The following TRIP4 variants were observed in gnomAD, a reference collection of about 807,000 sequenced individuals.
TRIP4 encodes thyroid hormone receptor interactor 4, also known as activating signal cointegrator 1.
A neutral mutation model predicts 81.8 loss-of-function variants in TRIP4; 54 were observed. That is an observed-to-expected ratio of 0.66 (90% confidence interval 0.53 to 0.83). TRIP4 has a LOEUF of 0.83. Ranked by LOEUF, TRIP4 falls within the 40% of genes least tolerant of loss-of-function variation. The pLI, the probability that TRIP4 is intolerant of heterozygous loss-of-function variation, is 0.00. For synonymous variants in TRIP4, 270 were observed against 242.8 expected, an observed-to-expected ratio of 1.11 and a Z score of -1.04; for missense variants, 662 against 683.6, an observed-to-expected ratio of 0.97 and a Z score of 0.35.
At chr15:64,418,451 T>A in intron 8 of TRIP4, 90 bp from the exon 9 acceptor site, 2 of 1,326,412 alleles carry the variant, frequency 1.5e-6, no homozygotes, top group Admixed American at 2.7e-5. Context: ...CCAATATGAT[T>A]TCCTCATTAT....
At chr15:64,390,427 C>A (rs1900090939) in intron 1 of TRIP4, among the ~76,000 whole-genome samples, 1 of 150,572 alleles carries the variant, frequency 6.6e-6, no homozygotes, top group African/African-American at 2.4e-5. Flanking sequence ...CACCACTGCA[C>A]TCCATCCTGG....
chr15:64,394,292 G>C (rs1293242230), intron 2 of TRIP4, among the ~76,000 whole-genome samples, 177 bp downstream of exon 2: 1 of 151,880 alleles, frequency 6.6e-6, no homozygotes, highest in Non-Finnish European at 1.5e-5. Flanking sequence ...TATTGCTCTA[G>C]TTCTTTTTCA....
chr15:64,413,742 C>A (rs1396564824), intron 7 of TRIP4, among the ~76,000 whole-genome samples: 1 of 152,032 alleles, frequency 6.6e-6, no homozygotes, highest in East Asian at 1.9e-4. Context: ...CGTGTGCTAC[C>A]ATGCTCAGCT....
At chr15:64,427,453 G>A (rs1450256230) in intron 11 of TRIP4, among the ~76,000 whole-genome samples, 1 of 152,076 alleles carries the variant, frequency 6.6e-6, no homozygotes, top group Non-Finnish European at 1.5e-5. Flanking sequence ...TTGGCTCACT[G>A]CAACCTCTGC....
At position 64,387,894 on chromosome 15, in the gene TRIP4, C is replaced by CCGCTGGTG; in HGVS notation, c.33_40dup (p.His14ArgfsTer54). The CCGCTGGTG allele has an allele frequency of 6.5e-7, 1 of 1,549,324 alleles. No homozygotes were observed. Among genetic ancestry groups the CCGCTGGTG allele is most frequent in the Non-Finnish European group, 8.7e-7 (1 of 1,146,952 alleles). On this transcript the variant is annotated frameshift_variant, in exon 1 of 13. Transcript: ENST00000261884. LOFTEE classifies it high-confidence loss of function. ...GGTGGCTGGGGCGGTGTCCGGGGAG[C>CCGCTGGTG]CGCTGGTGCACTGGTGCACCCAGCA... is the stretch of plus-strand genomic sequence containing the variant.
chr15:64,447,431 C>A (rs12916779), intron 12 of TRIP4, among the ~76,000 whole-genome samples: 112,221 of 152,138 alleles, frequency 0.74, 45,110 homozygotes, highest in East Asian at 0.95. Context: ...AACACAGGTT[C>A]CTCAATCCTG....
At chr15:64,451,810 C>T (rs1369815604) in intron 12 of TRIP4, among the ~76,000 whole-genome samples, 16 of 151,276 alleles carry the variant, frequency 1.1e-4, no homozygotes, top group East Asian at 1.9e-4. Flanking sequence ...CCCTCCACCA[C>T]GCCCAACTAA....
intron 9 of TRIP4, among the ~76,000 whole-genome samples, chr15:64,419,096 T>C (rs1891950645): frequency 6.6e-6 from 1 of 152,226 alleles, no homozygotes; most frequent in Non-Finnish European, 1.5e-5. Context: ...GCAACCTTAA[T>C]AATTTGATCC....
At chr15:64,451,020 A>C (rs1892745940) in intron 12 of TRIP4, 1 of 185,824 alleles carries the variant, frequency 5.4e-6, no homozygotes, top group African/African-American at 2.3e-5. Flanking sequence ...TGAAAGGTGA[A>C]ATTGAAACCA....
chr15:64,413,044 T>C (rs970573426), intron 7 of TRIP4, among the ~76,000 whole-genome samples: 1 of 152,068 alleles, frequency 6.6e-6, no homozygotes, highest in Admixed American at 6.6e-5. Flanking sequence ...TACCTCTTTA[T>C]AACTTCTGAG....
intron 11 of TRIP4, among the ~76,000 whole-genome samples, chr15:64,429,922 G>A (rs1172954746): frequency 6.6e-6 from 1 of 152,000 alleles, no homozygotes; most frequent in Non-Finnish European, 1.5e-5. Flanking sequence ...GCCTTTACAT[G>A]CTGTTCCTTT....
In TRIP4 at chr15:64,387,894, C is replaced by T. The variant is rs147496975; in HGVS notation, c.31C>T (p.Pro11Ser). 2.1e-4 allele frequency: 320 copies of T among 1,549,206 alleles called. No homozygotes were observed. Among genetic ancestry groups the T allele is most frequent in the Non-Finnish European group, 2.7e-4 (311 of 1,146,960 alleles). Residue 11 changes from proline to serine, a missense_variant, in exon 1 of 13, where the codon CCG (proline) becomes TCG (serine). Transcript: ENST00000261884. MAVAGAVSGE[P>S]LVHWCTQQLR... ...GGTGGCTGGGGCGGTGTCCGGGGAG[C>T]CGCTGGTGCACTGGTGCACCCAGCA...
At chr15:64,449,490 C>T (rs1892705753) in intron 12 of TRIP4, among the ~76,000 whole-genome samples, 1 of 151,736 alleles carries the variant, frequency 6.6e-6, no homozygotes, top group South Asian at 2.1e-4. Flanking sequence ...TAGATATACA[C>T]TACTATGATG....
intron 5 of TRIP4, among the ~76,000 whole-genome samples, chr15:64,404,105 G>C (rs1891571674): frequency 6.6e-6 from 1 of 151,956 alleles, no homozygotes; most frequent in South Asian, 2.1e-4. Flanking sequence ...GCTGGGAATT[G>C]CTTGAACCCC....
At chr15:64,423,874 A>G (rs1827037853) in intron 9 of TRIP4, among the ~76,000 whole-genome samples, 157 bp from the exon 10 acceptor site, 1 of 152,182 alleles carries the variant, frequency 6.6e-6, no homozygotes. Context: ...ATTGTGAGAG[A>G]AAAGTGTTTT....
intron 11 of TRIP4, among the ~76,000 whole-genome samples, chr15:64,432,327 A>G (rs1047004221): frequency 1.3e-5 from 2 of 152,178 alleles, no homozygotes; most frequent in Non-Finnish European, 2.9e-5. Context: ...ATTAATAAAT[A>G]CTTGAGCCAG....
At chr15:64,446,444 T>C (rs1286060405) in intron 12 of TRIP4, among the ~76,000 whole-genome samples, 3 of 145,300 alleles carry the variant, frequency 2.1e-5, no homozygotes, top group Non-Finnish European at 4.5e-5. Flanking sequence ...TCACTCTGTC[T>C]CCGAGGCTGG....
intron 11 of TRIP4, among the ~76,000 whole-genome samples, chr15:64,439,512 CTTTTTTTTTTTT>C (rs71895300): frequency 8.4e-5 from 4 of 47,880 alleles, no homozygotes; most frequent in African/African-American, 3.0e-4. Context: ...ACTTATAAAT[CTTTTTTTTTTTT>C]TTTTTTTTTT....
intron 11 of TRIP4, chr15:64,444,787 A>C (rs1892587811): frequency 4.3e-6 from 1 of 230,366 alleles, no homozygotes; most frequent in Non-Finnish European, 8.1e-6. Context: ...TTCCCACTAT[A>C]GGAAATCAGA....
Sources: gnomAD v4.1 joint callset for allele counts (sites outside exome capture counted in the v4.1 genomes callset) on GRCh38, gnomAD v4.1.1 for gene constraint, MANE v1.5 for transcripts, NCBI Gene and HGNC (gene_info 2026-07-23, HGNC 2026-07-21) for gene names.